The following BRCA2 variants were observed in gnomAD, a reference collection of about 807,000 sequenced individuals.
The protein encoded by BRCA2 is BRCA2 DNA repair associated.
In BRCA2, 203 loss-of-function variants were observed where a neutral mutation model predicts 276.7. That is an observed-to-expected ratio of 0.73 (90% CI 0.65 to 0.82). The LOEUF (loss-of-function observed/expected upper bound fraction) is 0.82, where lower values mean the gene tolerates loss of function less well. Ranked by LOEUF, BRCA2 falls within the 40% of genes least tolerant of loss-of-function variation. The pLI, the probability that BRCA2 is intolerant of heterozygous loss-of-function variation, is 0.00. For synonymous variants in BRCA2, 1,289 were observed against 1,338.4 expected (o/e 0.96, Z 0.81); for missense variants, 3,920 against 3,915.0 (o/e 1.00, Z -0.03).
rs759965817 is a variant in BRCA2, at chr13:32,326,631, G to A, written c.631+18G>A. 1.4e-5 allele frequency: 21 copies of A among 1,539,124 alleles called. No individual in the cohort carries two copies. Among genetic ancestry groups the A allele is most frequent in the African/African-American group, 2.7e-5 (2 of 73,156 alleles). On this transcript the variant is annotated intron_variant, in intron 7 of 26. Coordinates refer to ENST00000380152, the MANE Select transcript of BRCA2 (RefSeq NM_000059.4). ...GCTCATAGGTAATAATAGCAAATGT[G>A]TATTTACAAGAAAGAGCAGATGAGG...
rs786201444 is a variant in BRCA2 at position 32,316,487 on chromosome 13, A to G, written c.27A>G (p.Pro9=). 8.1e-6 allele frequency: 13 copies of G among 1,614,154 alleles called. 1 individual carries two copies. The highest frequency in any genetic ancestry group is 3.3e-4 in the Middle Eastern group (2 of 6,062). MPIGSKER[P]TFFEIFKTRC... is the part of the protein sequence containing the mutation. ...TGCCTATTGGATCCAAAGAGAGGCCAACATTTTTTGAAATTTTTAAGACAC... is the reference window on the plus strand; with the variant it reads ...TGCCTATTGGATCCAAAGAGAGGCCGACATTTTTTGAAATTTTTAAGACAC... Residue 9 remains proline, a synonymous_variant, in exon 2 of 27, where the codon CCA becomes CCG. Coordinates refer to ENST00000380152, the MANE Select transcript of BRCA2 (RefSeq NM_000059.4).
chr13:32,379,636 A>C (rs895623162), intron 22 of BRCA2, 114 bp from the exon 23 acceptor site: 12 of 1,501,624 alleles, frequency 8.0e-6, no homozygotes, highest in African/African-American at 4.2e-5. Flanking sequence ...AGCAAAATCC[A>C]CTACTAATGC....
intron 11 of BRCA2, 143 bp downstream of exon 11, chr13:32,341,339 T>G: frequency 8.8e-7 from 1 of 1,138,900 alleles, no homozygotes. Context: ...GGGAGTATGG[T>G]TTGATATACA....
At chr13:32,387,055 T>G (rs181253835) in intron 24 of BRCA2, among the ~76,000 whole-genome samples, 1 of 152,104 alleles carries the variant, frequency 6.6e-6, no homozygotes, top group Non-Finnish European at 1.5e-5. Flanking sequence ...CACCTTTGCT[T>G]CATTGTAAGG....
intron 16 of BRCA2, 44 bp from the exon 17 acceptor site, chr13:32,362,479 T>G: frequency 6.4e-7 from 1 of 1,560,736 alleles, no homozygotes; most frequent in South Asian, 1.1e-5. Flanking sequence ...TTCAGTATCA[T>G]CCTATGTGGT....
intron 1 of BRCA2, among the ~76,000 whole-genome samples, chr13:32,316,109 C>T (rs1233720313): frequency 1.3e-5 from 2 of 151,400 alleles, no homozygotes; most frequent in Non-Finnish European, 2.9e-5. Context: ...TACCAGGCGG[C>T]GTTGGTCTCT....
intron 25 of BRCA2, among the ~76,000 whole-genome samples, chr13:32,395,421 A>T (rs899865553): frequency 6.6e-6 from 1 of 152,202 alleles, no homozygotes. Flanking sequence ...TATACATTAT[A>T]TAATATTAGC....
rs398122776 is a variant in BRCA2, at chr13:32,338,533, C to T, written c.4178C>T (p.Ala1393Val). 6.9e-6 allele frequency: 11 copies of T among 1,603,250 alleles called. No individual in the cohort carries two copies. The highest frequency in any genetic ancestry group is 4.5e-5 in the South Asian group (4 of 88,036). The change falls in exon 11 of 27, where the codon GCG becomes GTG. Residue 1393 changes from alanine (A) to valine (V), a missense_variant. By Grantham distance (64) the Ala-to-Val change is moderately conservative. This residue lies in a region of BRCA2 where 3,263 missense variants were observed against 3,156.9 expected (regional missense o/e 1.03). Coordinates refer to ENST00000380152, the MANE Select transcript of BRCA2 (RefSeq NM_000059.4). ...TCAGATTTAACTTTTTTGGAAGTTG[C>T]GAAAGCTCAAGAAGCATGTCATGGT... ...DLSDLTFLEVAKAQEACHGNT... is the reference protein window; with the variant it reads ...DLSDLTFLEVVKAQEACHGNT...
At chr13:32,329,776 C>CTA (rs1035401367) in intron 8 of BRCA2, among the ~76,000 whole-genome samples, 12 of 150,282 alleles carry the variant, frequency 8.0e-5, no homozygotes, top group Admixed American at 6.7e-5. Context: ...GTACCGAACC[C>CTA]TATATATATA....
At position 32,337,937 on chromosome 13, in the gene BRCA2, C is replaced by G. The variant is rs746734303; in HGVS notation, c.3582C>G (p.Gly1194=). 6.2e-7 allele frequency: 1 copy of G among 1,613,960 alleles called. No homozygotes were observed. Among genetic ancestry groups the G allele is most frequent in the Non-Finnish European group, 8.5e-7 (1 of 1,179,946 alleles). The part of the protein sequence containing the change: ...GTVEIKRKFA[G]LLKNDCNKSA... The stretch of plus-strand genomic sequence containing the variant: ...TTGAAATTAAACGGAAGTTTGCTGG[C>G]CTGTTGAAAAATGACTGTAACAAAA... The change falls in exon 11 of 27, where the codon GGC becomes GGG. Residue 1194 remains glycine, a synonymous_variant. Transcript: ENST00000380152.
In BRCA2 at chr13:32,339,200, C is replaced by T. The variant is rs876658816; in HGVS notation, c.4845C>T (p.Leu1615=). Residue 1615 remains leucine (L), a synonymous_variant, in exon 11 of 27, where the codon CTC becomes CTT. Coordinates refer to ENST00000380152, the MANE Select transcript of BRCA2 (RefSeq NM_000059.4). ...VSIETVVPPK[L]LSDNLCRQTE... ...TTGAGACTGTGGTGCCACCTAAGCT[C>T]TTAAGTGATAATTTATGTAGACAAA... is the stretch of plus-strand genomic sequence containing the variant. 6.2e-7 allele frequency: 1 copy of T among 1,613,484 alleles called. No homozygotes were observed. The highest frequency in any genetic ancestry group is 8.5e-7 in the Non-Finnish European group (1 of 1,179,558).
intron 24 of BRCA2, among the ~76,000 whole-genome samples, chr13:32,392,456 C>T (rs1485943444): frequency 1.3e-5 from 2 of 152,056 alleles, no homozygotes; most frequent in African/African-American, 4.8e-5. Flanking sequence ...GAGGCCAAAG[C>T]AGGCAGATCA....
intron 2 of BRCA2, among the ~76,000 whole-genome samples, chr13:32,317,458 A>G (rs975366841): frequency 6.6e-6 from 1 of 152,236 alleles, no homozygotes; most frequent in Non-Finnish European, 1.5e-5. Context: ...GAAAAAAGGA[A>G]TATTTTAATA....
chr13:32,363,358 T>C lies in BRCA2; in HGVS notation c.8156T>C (p.Ile2719Thr), dbSNP rs28897748. 2 of 1,614,078 alleles carry C rather than the reference T, an allele frequency of 1.2e-6. No individual in the cohort carries two copies. Among genetic ancestry groups the C allele is most frequent in the Non-Finnish European group, 1.7e-6 (2 of 1,180,034 alleles). ...SSADTQKVAI[I>T]ELTDGWYAVK... ...GCAGATACCCAAAAAGTGGCCATTA[T>C]TGAACTTACAGATGGGTGGTATGCT... The change falls in exon 18 of 27, where the codon ATT becomes ACT. Residue 2719 changes from isoleucine (I) to threonine (T), a missense_variant. Coordinates refer to ENST00000380152, the MANE Select transcript of BRCA2 (RefSeq NM_000059.4).
rs398122540 is a variant in BRCA2, at chr13:32,326,555, T to C, written c.573T>C (p.Asp191=). The change falls in exon 7 of 27, where the codon GAT becomes GAC. Residue 191 remains aspartate, a synonymous_variant. Transcript: ENST00000380152. ...SESLGAEVDP[D]MSWSSSLATP... ...GTCTAGGAGCTGAGGTGGATCCTGA[T>C]ATGTCTTGGTCAAGTTCTTTAGCTA... 1 of 1,613,978 alleles carries C rather than the reference T, an allele frequency of 6.2e-7. No homozygotes were observed. Among genetic ancestry groups the C allele is most frequent in the Non-Finnish European group, 8.5e-7 (1 of 1,179,968 alleles).
chr13:32,381,506 C>T (rs2072924235), intron 24 of BRCA2, among the ~76,000 whole-genome samples: 2 of 152,092 alleles, frequency 1.3e-5, no homozygotes, highest in Admixed American at 1.3e-4. Flanking sequence ...ATGTGGCCAT[C>T]TGGGGAAAGC....
chr13:32,383,345 G>A (rs957732322), intron 24 of BRCA2, among the ~76,000 whole-genome samples: 6 of 152,058 alleles, frequency 3.9e-5, no homozygotes, highest in East Asian at 1.9e-4. Flanking sequence ...GGGAGATTCC[G>A]TCTCAAAAAA....
In BRCA2 at chr13:32,396,998, G is replaced by A. The variant is rs1176813482; in HGVS notation, c.9602G>A (p.Gly3201Glu). 6.2e-7 allele frequency: 1 copy of A among 1,613,958 alleles called. No homozygotes were observed. Among genetic ancestry groups the A allele is most frequent in the South Asian group, 1.1e-5 (1 of 91,078 alleles). The change falls in exon 26 of 27, where the codon GGG (glycine) becomes GAG (glutamate). Residue 3201 changes from glycine to glutamate, a missense_variant. Physicochemically the swap from Gly to Glu is moderately conservative, Grantham distance 98 (BLOSUM62 -2). This residue lies in a region of BRCA2 where 657 missense variants were observed against 758.2 expected (regional missense o/e 0.87). Coordinates refer to ENST00000380152, the MANE Select transcript of BRCA2 (RefSeq NM_000059.4). ...WSTPTKDCTS[G>E]PYTAQIIPGT... is the part of the protein sequence containing the mutation. Reference sequence around the variant, plus strand: ...ACCCCAACTAAAGACTGTACTTCAGGGCCGTACACTGCTCAAATCATTCCT... The same window carrying A: ...ACCCCAACTAAAGACTGTACTTCAGAGCCGTACACTGCTCAAATCATTCCT...
rs761030046 is a variant in BRCA2, at chr13:32,363,255, A to T, written c.8053A>T (p.Thr2685Ser). The change falls in exon 18 of 27, where the codon ACA becomes TCA. Residue 2685 changes from threonine to serine, a missense_variant. By Grantham distance (58) the Thr-to-Ser change is moderately conservative (BLOSUM62 1). Transcript: ENST00000380152. ...IMERDDTAAK[T>S]LVLCVSDIIS... ...GGAAAGGGATGACACAGCTGCAAAA[A>T]CACTTGTTCTCTGTGTTTCTGACAT... 2 of 1,614,054 alleles carry T rather than the reference A, an allele frequency of 1.2e-6. No individual in the cohort carries two copies. Among genetic ancestry groups the T allele is most frequent in the South Asian group, 2.2e-5 (2 of 91,082 alleles).
Sources: gnomAD v4.1 joint callset for allele counts (sites outside exome capture counted in the v4.1 genomes callset) on GRCh38, gnomAD v4.1.1 for gene constraint, gnomAD v4.1.1 regional missense constraint, MANE v1.5 for transcripts, NCBI Gene and HGNC (gene_info 2026-07-23, HGNC 2026-07-21) for gene names.